Variants in DHX33 observed in about 807,000 individuals in gnomAD.
The protein encoded by DHX33 is DEAH-box helicase 33, also known as ATP-dependent RNA helicase DHX33.
Under a neutral mutation model 72.5 loss-of-function variants are expected in DHX33, and 42 were observed. That is an observed-to-expected ratio of 0.58 (90% CI 0.45 to 0.75). The LOEUF is 0.75. Among genes scored for constraint, DHX33 ranks in the 30% least tolerant of loss-of-function variants. The pLI is 0.00. For synonymous variants in DHX33, 358 were observed against 366.1 expected (o/e 0.98, Z 0.25); for missense variants, 842 against 917.5 (o/e 0.92, Z 1.06).
At chr17:5,446,976 A>G (rs1202586543) in intron 11 of DHX33, among the ~76,000 whole-genome samples, 4 of 152,234 alleles carry the variant, frequency 2.6e-5, no homozygotes, top group Non-Finnish European at 4.4e-5. Context: ...TTGGCATCAG[A>G]CACAGGCCTG....
intron 10 of DHX33, 30 bp from the exon 11 acceptor site, chr17:5,448,925 C>T (rs1396339659): frequency 1.9e-6 from 3 of 1,544,186 alleles, no homozygotes; most frequent in Admixed American, 3.4e-5. Context: ...ATATCACAAT[C>T]CACTCATTCA....
At chr17:5,464,305 G>A (rs1904772692) in intron 1 of DHX33, among the ~76,000 whole-genome samples, 1 of 152,118 alleles carries the variant, frequency 6.6e-6, no homozygotes, top group African/African-American at 2.4e-5. Context: ...ACTCCAGCAT[G>A]GGCAACGGAA....
At chr17:5,447,483 G>A (rs576100011) in intron 11 of DHX33, among the ~76,000 whole-genome samples, 114 of 152,242 alleles carry the variant, frequency 7.5e-4, no homozygotes, top group Middle Eastern at 3.4e-3. Context: ...TATTAGCCGG[G>A]TGTGGTGGGT....
In DHX33 at chr17:5,456,874, T is replaced by G. The variant is rs151109611; in HGVS notation, c.850-692A>C. On this transcript the variant is annotated intron_variant, in intron 4 of 11. Transcript: ENST00000225296. ...AAGGAGCCTTTAATGAATGACGCCG[T>G]CGAAAGCGCTTTCACACGCCCCAAA... Among the ~76,000 whole-genome samples, 533 of 152,242 alleles carry G rather than the reference T, an allele frequency of 3.5e-3. 3 individuals are homozygous for G. The highest frequency in any genetic ancestry group is 8.1e-3 in the South Asian group (39 of 4,824).
chr17:5,449,054 T>C (rs533333473), intron 10 of DHX33, among the ~76,000 whole-genome samples, 159 bp from the exon 11 acceptor site: 28 of 152,250 alleles, frequency 1.8e-4, no homozygotes, highest in Non-Finnish European at 3.5e-4. Context: ...TAGCTTGAAC[T>C]ATCTGCACAT....
chr17:5,461,997 T>C (rs1470257333), intron 3 of DHX33, among the ~76,000 whole-genome samples: 1 of 146,988 alleles, frequency 6.8e-6, no homozygotes, highest in Non-Finnish European at 1.5e-5. Flanking sequence ...TGGAGTGCAG[T>C]GGTGTGATCT....
rs563278745 is a variant in DHX33, at chr17:5,468,875, C to G, written c.-16G>C. 7.7e-6 allele frequency: 12 copies of G among 1,549,524 alleles called. No homozygotes were observed. The African/African-American group carries it at 1.2e-4, about 16-fold the overall frequency. On this transcript the variant is annotated 5_prime_UTR_variant, in exon 1 of 12. Coordinates refer to ENST00000225296, the MANE Select transcript of DHX33 (RefSeq NM_020162.4). ...CCTCCGGCATGTCGGGAGGGCACCG[C>G]GGCGGGAGGCGCAAGCGCCGAGAGC...
At chr17:5,464,681 G>A (rs1230393599) in intron 1 of DHX33, among the ~76,000 whole-genome samples, 3 of 152,094 alleles carry the variant, frequency 2.0e-5, no homozygotes, top group African/African-American at 7.2e-5. Flanking sequence ...TGTTCAAAAG[G>A]TAATTTACAT....
Position 5,461,074 on chromosome 17 carries a change from C to T in DHX33, c.714G>A (p.Leu238=). The change falls in exon 4 of 12, where the codon CTG becomes CTA. Residue 238 remains leucine (L), a synonymous_variant. Coordinates refer to ENST00000225296, the MANE Select transcript of DHX33 (RefSeq NM_020162.4). ...IVMSATMDVD[L]FSQYFNGAPV... ...GGGCGCCATTGAAATACTGAGAGAA[C>T]AGGTCCACATCCATCGTAGCTGACA... 1 of 1,612,624 alleles carries T rather than the reference C, an allele frequency of 6.2e-7. No homozygotes were observed. Among genetic ancestry groups the T allele is most frequent in the Middle Eastern group, 1.6e-4 (1 of 6,062 alleles).
At chr17:5,454,184 T>C (rs1917088975) in intron 6 of DHX33, among the ~76,000 whole-genome samples, 1 of 152,290 alleles carries the variant, frequency 6.6e-6, no homozygotes, top group South Asian at 2.1e-4. Flanking sequence ...AAGCCCACTG[T>C]GAAATCTGTT....
chr17:5,448,966 G>T (rs767128144), intron 10 of DHX33, 71 bp from the exon 11 acceptor site: 8 of 1,249,504 alleles, frequency 6.4e-6, no homozygotes, highest in Non-Finnish European at 9.2e-6. Context: ...ACGGGGTCTT[G>T]CTCTGTTCCC....
rs372028071 is a variant in DHX33 at position 5,462,576 on chromosome 17, CAA to C, written c.451-32_451-31del. 4.1e-5 allele frequency: 64 copies of C among 1,571,926 alleles called. No individual in the cohort carries two copies. The East Asian group carries it at 7.6e-4, about 19-fold the overall frequency. Reference sequence around the variant, plus strand: ...GCAGGGAAACAATTTATTCAGTCACCAAACATTTCTTGAGCGCCCACTGTGTC... The same window carrying C: ...GCAGGGAAACAATTTATTCAGTCACCACATTTCTTGAGCGCCCACTGTGTC... On this transcript the variant is annotated intron_variant, in intron 2 of 11. Coordinates refer to ENST00000225296, the MANE Select transcript of DHX33 (RefSeq NM_020162.4).
chr17:5,450,406 T>C lies in DHX33; in HGVS notation c.1525A>G (p.Thr509Ala). 1.2e-6 allele frequency: 2 copies of C among 1,613,474 alleles called. No homozygotes were observed. The highest frequency in any genetic ancestry group is 2.7e-5 in the African/African-American group (2 of 75,042). Residue 509 changes from threonine to alanine, a missense_variant and splice_region_variant, in exon 10 of 12, where the codon ACC becomes GCC. Physicochemically the swap from Thr to Ala is moderately conservative, Grantham distance 58 (BLOSUM62 0). Coordinates refer to ENST00000225296, the MANE Select transcript of DHX33 (RefSeq NM_020162.4). ...TGGAATTTGGGGGACATGAGGATGG[T>C]CTGCAAAGCAAAATTTAAAATTGTG... ...AFPLEPKFAKTILMSPKFHCT... is the reference protein window; with the variant it reads ...AFPLEPKFAKAILMSPKFHCT...
At chr17:5,467,451 G>A (rs1168029133) in intron 1 of DHX33, among the ~76,000 whole-genome samples, 1 of 152,078 alleles carries the variant, frequency 6.6e-6, no homozygotes, top group Non-Finnish European at 1.5e-5. Context: ...TCTTGGACAA[G>A]CCCCTCATTC....
chr17:5,452,431 T>C (rs1463073232), intron 8 of DHX33, among the ~76,000 whole-genome samples: 1 of 152,168 alleles, frequency 6.6e-6, no homozygotes, highest in African/African-American at 2.4e-5. Context: ...TCCTAGCTAC[T>C]CGGGAGGCTG....
chr17:5,455,057 G>T, intron 6 of DHX33, 103 bp downstream of exon 6: 1 of 1,057,810 alleles, frequency 9.5e-7, no homozygotes, highest in Non-Finnish European at 1.4e-6. Context: ...ACCTGAATTT[G>T]TTAGTTACAA....
At chr17:5,457,880 G>A (rs1414080635) in intron 4 of DHX33, among the ~76,000 whole-genome samples, 1 of 152,136 alleles carries the variant, frequency 6.6e-6, no homozygotes, top group African/African-American at 2.4e-5. Context: ...GCTTTCTGCA[G>A]CTGAACAAGG....
Position 5,444,663 on chromosome 17 carries a change from C to A in DHX33, c.1816-150G>T, listed in dbSNP as rs1240819429. On this transcript the variant is annotated intron_variant, in intron 11 of 11. Transcript: ENST00000225296. The surrounding 1 kb of genome is among the most constrained non-coding windows in gnomAD (Gnocchi z 4.9). ...GTGGATTCTGACATTCGGAGGTGGT[C>A]ACCAAGGATCAGCAAGGTCAGGGGA... 7.1e-6 allele frequency: 6 copies of A among 842,380 alleles called. No homozygotes were observed. Among genetic ancestry groups the A allele is most frequent in the Non-Finnish European group, 1.1e-5 (6 of 552,704 alleles). 52.2% of individuals were successfully genotyped at this position (842,380 alleles called of 1,614,324 possible). A position where few individuals can be genotyped will look rare whatever the true frequency, so the allele number is the denominator to read the frequency against.
chr17:5,448,819 A>G lies in DHX33; in HGVS notation c.1805T>C (p.Ile602Thr), dbSNP rs768016168. 3.7e-6 allele frequency: 6 copies of G among 1,609,618 alleles called. No homozygotes were observed. In the East Asian group the frequency reaches 1.1e-4, roughly 30 times the overall value. Reference sequence around the variant, plus strand: ...AGGACCAGACGATACCTTTAAGCAGATGTCCCTCAGCTGTGCTCTGACTTC... The same window carrying G: ...AGGACCAGACGATACCTTTAAGCAGGTGTCCCTCAGCTGTGCTCTGACTTC... ...VAEVRAQLRD[I>T]CLKMSMPIAS... Residue 602 changes from isoleucine to threonine, a missense_variant, in exon 11 of 12, where the codon ATC becomes ACC. Ile to Thr is a moderately conservative substitution (Grantham distance 89). Transcript: ENST00000225296.
Sources: gnomAD v4.1 joint callset for allele counts (sites outside exome capture counted in the v4.1 genomes callset) on GRCh38, gnomAD v4.1.1 for gene constraint, Gnocchi (gnomAD v3.1) non-coding constraint, MANE v1.5 for transcripts, NCBI Gene and HGNC (gene_info 2026-07-23, HGNC 2026-07-21) for gene names.